The following PLCXD1 variants were observed in gnomAD, a reference collection of about 807,000 sequenced individuals.
The protein encoded by PLCXD1 is phosphatidylinositol specific phospholipase C X domain containing 1, also known as PI-PLC X domain-containing protein 1.
PLCXD1 carries 45 observed loss-of-function variants against 37.8 expected under a neutral mutation model. The ratio of observed to expected loss-of-function variants is 1.19; its 90% confidence interval spans 0.94 to 1.53. The LOEUF is 1.53. Ranked by LOEUF, PLCXD1 falls within the 40% of genes most tolerant of loss-of-function variation. PLCXD1 has a pLI of 0.00. For synonymous variants in PLCXD1, 246 were observed against 206.9 expected (o/e 1.19, Z -1.62); for missense variants, 539 against 454.7 (o/e 1.19, Z -1.69).
upstream of PLCXD1, among the ~76,000 whole-genome samples, chrX:276,635 A>C (rs2069162628): frequency 6.6e-6 from 1 of 152,098 alleles, no homozygotes; most frequent in African/African-American, 2.4e-5. Context: ...CAGACCGTGA[A>C]TTCTCTGCCG....
upstream of PLCXD1, among the ~76,000 whole-genome samples, chrX:277,159 G>C (rs958434386): frequency 3.3e-5 from 5 of 151,974 alleles, no homozygotes; most frequent in African/African-American, 4.8e-5. Context: ...GCTCCTTCCT[G>C]CTCCACTTTG....
At chrX:283,509 A>C (rs935519290) in intron 1 of PLCXD1, 2 of 140,454 alleles carry the variant, frequency 1.4e-5, no homozygotes, top group African/African-American at 5.6e-5. Context: ...ATGATGTTCC[A>C]CACGCCTGAG....
At chrX:292,177 C>A (rs1002660126) in intron 5 of PLCXD1, among the ~76,000 whole-genome samples, 10 of 146,300 alleles carry the variant, frequency 6.8e-5, no homozygotes, top group Admixed American at 2.7e-4. Flanking sequence ...GTGGGTGTGC[C>A]GGACGCAGTG....
chrX:280,074 C>A (rs1474219654), upstream of PLCXD1, among the ~76,000 whole-genome samples: 2 of 152,202 alleles, frequency 1.3e-5, no homozygotes, highest in African/African-American at 2.4e-5. Flanking sequence ...GTTTCGAACT[C>A]CTGACCTCAG....
Position 300,276 on chromosome X carries a change from C to T in PLCXD1, c.*941C>T, listed in dbSNP as rs1431139117. 6.6e-6 allele frequency: 1 copy of T among 152,054 alleles called. No individual in the cohort carries two copies. The highest frequency in any genetic ancestry group is 6.6e-5 in the Admixed American group (1 of 15,222). 9.4% of individuals were successfully genotyped at this position (152,054 alleles called of 1,614,324 possible). A position where few individuals can be genotyped will look rare whatever the true frequency, so the allele number is the denominator to read the frequency against. ...GGAGACACTATCCTCCCACAGCTCA[C>T]TAATTACTAAACACAGTGACAGCCC... On this transcript the variant is annotated 3_prime_UTR_variant, in exon 7 of 7. Coordinates refer to ENST00000381657, the MANE Select transcript of PLCXD1 (RefSeq NM_018390.4).
intron 6 of PLCXD1, among the ~76,000 whole-genome samples, chrX:294,257 C>T (rs191076449): frequency 0.012 from 1,761 of 151,898 alleles, 37 homozygotes; most frequent in African/African-American, 0.039. Context: ...CCGAGGCGGG[C>T]GGATCATGAG....
chrX:296,705 C>T (rs1251642380), intron 6 of PLCXD1, among the ~76,000 whole-genome samples: 1 of 152,178 alleles, frequency 6.6e-6, no homozygotes, highest in South Asian at 2.1e-4. Flanking sequence ...AGACTTAGTG[C>T]CCAAGACAAC....
At chrX:285,742 C>G (rs371137328) in intron 2 of PLCXD1, among the ~76,000 whole-genome samples, 2 of 152,098 alleles carry the variant, frequency 1.3e-5, no homozygotes, top group Admixed American at 1.3e-4. Context: ...TATAGGCATA[C>G]GGACACACAT....
chrX:299,759 A>C lies in PLCXD1; in HGVS notation c.*424A>C, dbSNP rs1191332109. 5.0e-6 allele frequency: 1 copy of C among 200,988 alleles called. No individual in the cohort carries two copies. The highest frequency in any genetic ancestry group is 2.4e-5 in the African/African-American group (1 of 41,118). 12.5% of individuals were successfully genotyped at this position (200,988 alleles called of 1,614,324 possible). A position where few individuals can be genotyped will look rare whatever the true frequency, so the allele number is the denominator to read the frequency against. ...ATGATAGACCGAGACTCCATCTCAA[A>C]AGAAAAAAAAACAGCCGAGTGTGCA... On this transcript the variant is annotated 3_prime_UTR_variant, in exon 7 of 7. Coordinates refer to ENST00000381657, the MANE Select transcript of PLCXD1 (RefSeq NM_018390.4).
At chrX:286,352 A>G (rs2069451599) in intron 2 of PLCXD1, among the ~76,000 whole-genome samples, 1 of 152,110 alleles carries the variant, frequency 6.6e-6, no homozygotes, top group South Asian at 2.1e-4. Context: ...GACATGAGCT[A>G]TTGCACCCGA....
chrX:278,027 T>G (rs2069188442), upstream of PLCXD1, among the ~76,000 whole-genome samples: 2 of 22,404 alleles, frequency 8.9e-5, no homozygotes, highest in African/African-American at 2.2e-4. Flanking sequence ...AGGGGGAATG[T>G]GGGGACAGGT....
intron 2 of PLCXD1, among the ~76,000 whole-genome samples, chrX:287,285 TTATA>T (rs1482445591): frequency 6.8e-6 from 1 of 146,052 alleles, no homozygotes; most frequent in Non-Finnish European, 1.5e-5. Context: ...TATCATATAT[TTATA>T]TAAATATATG....
intron 1 of PLCXD1, chrX:283,878 C>CTTTTTTTT (rs113086591): frequency 5.2e-6 from 1 of 190,698 alleles, no homozygotes; most frequent in Non-Finnish European, 1.1e-5. Flanking sequence ...CTCTCTCTCT[C>CTTTTTTTT]TTTTTTTTTT....
Position 284,211 on chromosome X carries a change from C to T in PLCXD1, c.24C>T (p.Ser8=), listed in dbSNP as rs2069370053. The change falls in exon 2 of 7, where the codon TCC becomes TCT. Residue 8 remains serine (S), a synonymous_variant. Transcript: ENST00000381657. ...TGATGGGTGGGCAGGTGAGCGCTTC[C>T]AACAGCTTCTCGAGGCTGCACTGCA... MGGQVSA[S]NSFSRLHCRN... 1 of 1,613,424 alleles carries T rather than the reference C, an allele frequency of 6.2e-7. No homozygotes were observed. The highest frequency in any genetic ancestry group is 1.1e-5 in the South Asian group (1 of 91,050).
intron 2 of PLCXD1, among the ~76,000 whole-genome samples, chrX:287,630 T>C (rs1415672812): frequency 2.3e-5 from 2 of 88,408 alleles, no homozygotes; most frequent in Non-Finnish European, 4.7e-5. Flanking sequence ...TATATGTTTA[T>C]ATATAGATAT....
At position 291,718 on chromosome X, in the gene PLCXD1, C is replaced by T. The variant is rs1282063293; in HGVS notation, c.549+64C>T. On this transcript the variant is annotated intron_variant, in intron 5 of 6. Coordinates refer to ENST00000381657, the MANE Select transcript of PLCXD1 (RefSeq NM_018390.4). Reference sequence around the variant, plus strand: ...CAGGGGCATCGTCAGCCTCAGACTCCATTTGCTGTGCCCTGGGTGTGGGTG... The same window carrying T: ...CAGGGGCATCGTCAGCCTCAGACTCTATTTGCTGTGCCCTGGGTGTGGGTG... 2.6e-6 allele frequency: 4 copies of T among 1,542,740 alleles called. No homozygotes were observed. In the African/African-American group the frequency reaches 5.4e-5, roughly 21 times the overall value.
chrX:299,076 T>C (rs199534415), intron 6 of PLCXD1, 21 bp from the exon 7 acceptor site: 1 of 1,575,582 alleles, frequency 6.3e-7, no homozygotes, highest in East Asian at 2.2e-5. Flanking sequence ...GTGTAACCTC[T>C]CCCCACCCTC....
intron 1 of PLCXD1, among the ~76,000 whole-genome samples, chrX:281,971 C>T (rs2069288343): frequency 6.6e-6 from 1 of 151,998 alleles, no homozygotes; most frequent in Non-Finnish European, 1.5e-5. Flanking sequence ...TGGTCTCGAA[C>T]CCCTGACCTC....
rs188157308 is a variant in PLCXD1, at chrX:288,936, C to T, written c.264+67C>T. On this transcript the variant is annotated intron_variant, in intron 3 of 6. Transcript: ENST00000381657. ...ATGTGGGGCCCACGGCCCCGTGGTG[C>T]TGAAATGGCCCCTCACCCAGGTAGG... 898 of 1,487,594 alleles carry T rather than the reference C, an allele frequency of 6.0e-4. 6 individuals are homozygous for T. In the African/African-American group the frequency reaches 0.011, roughly 18 times the overall value. 92.1% of individuals were successfully genotyped at this position (1,487,594 alleles called of 1,614,324 possible). A position where few individuals can be genotyped will look rare whatever the true frequency, so the allele number is the denominator to read the frequency against.
Sources: gnomAD v4.1 joint callset for allele counts (sites outside exome capture counted in the v4.1 genomes callset) on GRCh38, gnomAD v4.1.1 for gene constraint, MANE v1.5 for transcripts, NCBI Gene and HGNC (gene_info 2026-07-23, HGNC 2026-07-21) for gene names.